PRRG1: variants seen among roughly 807,000 people sequenced by gnomAD.
PRRG1 encodes the protein proline rich and Gla domain 1.
In PRRG1, 5 loss-of-function variants were observed where a neutral mutation model predicts 11.8. The ratio of observed to expected loss-of-function variants is 0.42; its 90% CI spans 0.22 to 0.89. PRRG1 has a LOEUF of 0.89. PRRG1 is among the 40% of genes least tolerant of loss of function. PRRG1 has a pLI of 0.28. For synonymous variants in PRRG1, 66 were observed against 60.4 expected (o/e 1.09, Z -0.43); for missense variants, 155 against 166.1 (o/e 0.93, Z 0.37).
chrX:37,449,794 AG>A (rs1921051038), intron 3 of PRRG1, among the ~76,000 whole-genome samples: 1 of 112,740 alleles, frequency 8.9e-6, no homozygotes. Context: ...CATTATTGCC[AG>A]CCACTAATGT....
chrX:37,438,128 C>G (rs1932909304), intron 3 of PRRG1, among the ~76,000 whole-genome samples: 1 of 110,609 alleles, frequency 9.0e-6, no homozygotes, highest in Non-Finnish European at 1.9e-5. Flanking sequence ...AGGAGAATCA[C>G]TTGAACCCAG....
At position 37,453,300 on chromosome X, in the gene PRRG1, A is replaced by G. The variant is rs782742674; in HGVS notation, c.336A>G (p.Arg112=). 39 of 1,208,515 alleles carry G rather than the reference A, an allele frequency of 3.2e-5. No individual in the cohort carries two copies. The highest frequency in any genetic ancestry group is 4.3e-5 in the Non-Finnish European group (38 of 892,829). ...WRCFLRNKTR[R]QTVTEGHIPF... ...GCTTCCTAAGAAACAAAACTCGTAGACAGACAGTGACTGAAGGCCACATTC... is the reference window on the plus strand; with the variant it reads ...GCTTCCTAAGAAACAAAACTCGTAGGCAGACAGTGACTGAAGGCCACATTC... The change falls in exon 4 of 4, where the codon AGA becomes AGG. Residue 112 remains arginine, a synonymous_variant. Coordinates refer to ENST00000378628, the MANE Select transcript of PRRG1 (RefSeq NM_001142395.2).
intron 2 of PRRG1, among the ~76,000 whole-genome samples, chrX:37,414,291 C>T (rs1294461308): frequency 9.0e-6 from 1 of 111,477 alleles, no homozygotes; most frequent in African/African-American, 3.3e-5. Flanking sequence ...TTCTCCCACT[C>T]GGTGGTTTGT....
At chrX:37,420,652 A>G (rs1431480698) in intron 2 of PRRG1, among the ~76,000 whole-genome samples, 2 of 100,346 alleles carry the variant, frequency 2.0e-5, no homozygotes, top group Non-Finnish European at 4.0e-5. Context: ...GGCAACATGG[A>G]AAAACCCCGT....
chrX:37,449,547 A>G (rs1390596259), intron 3 of PRRG1, among the ~76,000 whole-genome samples: 2 of 112,349 alleles, frequency 1.8e-5, no homozygotes, highest in African/African-American at 6.5e-5. Context: ...TCTAGCACTC[A>G]GCTCACAGGA....
At chrX:37,369,002 C>T (rs1344119026) in intron 1 of PRRG1, among the ~76,000 whole-genome samples, 1 of 111,679 alleles carries the variant, frequency 9.0e-6, no homozygotes, top group African/African-American at 3.3e-5. Context: ...ACAAACTCCC[C>T]TCTACTCACA....
chrX:37,383,411 T>C (rs1931218680), intron 1 of PRRG1, among the ~76,000 whole-genome samples: 1 of 111,497 alleles, frequency 9.0e-6, no homozygotes, highest in South Asian at 3.7e-4. Flanking sequence ...AATGTTTTAT[T>C]ATCTCTGTCA....
chrX:37,443,646 A>T (rs1219546583), intron 3 of PRRG1, among the ~76,000 whole-genome samples: 1 of 111,956 alleles, frequency 8.9e-6, no homozygotes, highest in Non-Finnish European at 1.9e-5. Flanking sequence ...TGTATTTTCA[A>T]ATCAGCTTGT....
chrX:37,450,444 T>G (rs1458996873), intron 3 of PRRG1, among the ~76,000 whole-genome samples: 2 of 112,261 alleles, frequency 1.8e-5, no homozygotes, highest in Non-Finnish European at 3.8e-5. Flanking sequence ...AATGCCCAAT[T>G]ATTTCTCTGT....
At chrX:37,404,609 G>C (rs1487874992) in intron 1 of PRRG1, among the ~76,000 whole-genome samples, 2 of 110,449 alleles carry the variant, frequency 1.8e-5, no homozygotes, top group Non-Finnish European at 3.8e-5. Flanking sequence ...GTATGTCCAG[G>C]CCACCTCCAG....
chrX:37,432,092 GT>G (rs782183502), intron 3 of PRRG1, among the ~76,000 whole-genome samples: 1,837 of 96,031 alleles, frequency 0.019, 49 homozygotes, highest in African/African-American at 0.067. Context: ...GGTGAACAAT[GT>G]TTTTTTTTTT....
intron 1 of PRRG1, among the ~76,000 whole-genome samples, chrX:37,394,889 T>C (rs1174114923): frequency 9.0e-6 from 1 of 111,484 alleles, no homozygotes; most frequent in Non-Finnish European, 1.9e-5. Flanking sequence ...AAATATACCT[T>C]ATATCACTCT....
chrX:37,441,394 G>A (rs782804861), intron 3 of PRRG1: 11 of 754,719 alleles, frequency 1.5e-5, no homozygotes, highest in Non-Finnish European at 1.7e-5. Flanking sequence ...GAAAAGGAAT[G>A]CATCCCTCCC....
intron 1 of PRRG1, among the ~76,000 whole-genome samples, chrX:37,373,986 T>C (rs1212630182): frequency 1.8e-5 from 2 of 111,712 alleles, no homozygotes; most frequent in Admixed American, 1.9e-4. Flanking sequence ...CAGGAAACAA[T>C]GTTGAATTTT....
intron 2 of PRRG1, among the ~76,000 whole-genome samples, chrX:37,415,314 A>G (rs1932465112): frequency 9.0e-6 from 1 of 111,559 alleles, no homozygotes; most frequent in Admixed American, 9.5e-5. Flanking sequence ...AGGCTTAAGC[A>G]GGAGAATGGC....
intron 1 of PRRG1, among the ~76,000 whole-genome samples, chrX:37,360,772 A>G (rs145102118): frequency 5.3e-5 from 6 of 112,449 alleles, no homozygotes; most frequent in Admixed American, 9.4e-5. Context: ...TTTGTATTGC[A>G]ACACCTTTCC....
chrX:37,373,184 GT>G (rs782379580), intron 1 of PRRG1, among the ~76,000 whole-genome samples: 47 of 112,252 alleles, frequency 4.2e-4, no homozygotes, highest in African/African-American at 1.5e-3. Flanking sequence ...GCACAATGGA[GT>G]TTTGATTACT....
At chrX:37,384,911 G>C (rs1931274586) in intron 1 of PRRG1, among the ~76,000 whole-genome samples, 1 of 111,466 alleles carries the variant, frequency 9.0e-6, no homozygotes, top group African/African-American at 3.3e-5. Flanking sequence ...AATATAGGCA[G>C]CATGTGACCC....
At chrX:37,366,773 A>T (rs1488452959) in intron 1 of PRRG1, among the ~76,000 whole-genome samples, 1 of 111,837 alleles carries the variant, frequency 8.9e-6, no homozygotes, top group Non-Finnish European at 1.9e-5. Context: ...GTCTCTGGGC[A>T]TAATGGAGCC....
Sources: allele counts gnomAD v4.1 joint callset (sites outside exome capture counted in the v4.1 genomes callset), GRCh38; gene constraint gnomAD v4.1.1; transcripts MANE v1.5; gene names NCBI Gene and HGNC (gene_info 2026-07-23, HGNC 2026-07-21).